The following SHOX2 variants were observed in gnomAD, a reference collection of about 807,000 sequenced individuals.
SHOX2 encodes the protein SHOX homeobox 2, also known as short stature homeobox protein 2.
Under a neutral mutation model 31.3 loss-of-function variants are expected in SHOX2, and 13 were observed. That is an observed-to-expected ratio of 0.42 (90% CI 0.27 to 0.66). The LOEUF is 0.66. SHOX2 is among the 30% of genes least tolerant of loss of function. SHOX2 has a pLI of 0.27. For synonymous variants in SHOX2, 244 were observed against 196.2 expected (o/e 1.24, Z -2.04); for missense variants, 473 against 443.0 (o/e 1.07, Z -0.61).
chr3:158,106,068 C>A lies in SHOX2; in HGVS notation c.-44G>T, dbSNP rs756364630. The A allele has an allele frequency of 1.9e-6, 3 of 1,608,986 alleles. No individual in the cohort carries two copies. Among genetic ancestry groups the A allele is most frequent in the Non-Finnish European group, 2.5e-6 (3 of 1,177,500 alleles). On this transcript the variant is annotated 5_prime_UTR_variant, in exon 1 of 5. Transcript: ENST00000483851. ...CGGCGCTCAACCTCTGCCAGCAGAG[C>A]CCCGCTCTTTTTTTCCTTCTTCTTT...
chr3:158,098,244 G>T lies in SHOX2; in HGVS notation c.743C>A (p.Ala248Glu), dbSNP rs145675724. 4 of 1,613,798 alleles carry T rather than the reference G, an allele frequency of 2.5e-6. No homozygotes were observed. In the African/African-American group the frequency reaches 5.3e-5, roughly 22 times the overall value. Residue 248 changes from alanine (A) to glutamate (E), a missense_variant, in exon 5 of 5, where the codon GCG becomes GAG. Physicochemically the swap from Ala to Glu is moderately radical, Grantham distance 107. Transcript: ENST00000483851. ...CAGGTGCGGATGCAGGTGGTGGTGCGCGTGCGCCACAGCGCTGTCCAGCTG... is the reference window on the plus strand; with the variant it reads ...CAGGTGCGGATGCAGGTGGTGGTGCTCGTGCGCCACAGCGCTGTCCAGCTG... ...QLQLDSAVAH[A>E]HHHLHPHLAA...
chr3:158,105,773 G>T lies in SHOX2; in HGVS notation c.252C>A (p.Gly84=), dbSNP rs959986950. ...GGGGVGGGGA[G]GGAGGGRSPV... ...GAGAGCGCCCTCCTCCAGCTCCTCCGCCTGCTCCTCCTCCTCCTACACCTC... is the reference window on the plus strand; with the variant it reads ...GAGAGCGCCCTCCTCCAGCTCCTCCTCCTGCTCCTCCTCCTCCTACACCTC... Residue 84 remains glycine, a synonymous_variant, in exon 1 of 5, where the codon GGC becomes GGA. Coordinates refer to ENST00000483851, the MANE Select transcript of SHOX2 (RefSeq NM_001163678.2). The T allele has an allele frequency of 1.3e-6, 2 of 1,517,644 alleles. No individual in the cohort carries two copies. Among genetic ancestry groups the T allele is most frequent in the Non-Finnish European group, 1.8e-6 (2 of 1,134,084 alleles). 94.0% of individuals were successfully genotyped at this position (1,517,644 alleles called of 1,614,324 possible). A position where few individuals can be genotyped will look rare whatever the true frequency, so the allele number is the denominator to read the frequency against.
Position 158,096,533 on chromosome 3 carries a change from T to C in SHOX2, c.*1494A>G, listed in dbSNP as rs765651617. 18 of 152,628 alleles carry C rather than the reference T, an allele frequency of 1.2e-4. No homozygotes were observed. The highest frequency in any genetic ancestry group is 3.8e-4 in the East Asian group (2 of 5,202). The allele number at this position is 152,628 out of a possible 1,614,324, so 9.5% of individuals were successfully genotyped here. On this transcript the variant is annotated 3_prime_UTR_variant, in exon 5 of 5. Transcript: ENST00000483851. ...CACACATTATAGTCAAAATAAACTT[T>C]GTTCGTGTGTATCAACATATCTTAC...
chr3:158,101,559 A>G (rs1230163262), intron 2 of SHOX2, among the ~76,000 whole-genome samples: 1 of 150,758 alleles, frequency 6.6e-6, no homozygotes, highest in Non-Finnish European at 1.5e-5. Context: ...GCAGCCTATT[A>G]TTACTTTTCC....
chr3:158,100,808 A>T (rs1168292526), intron 2 of SHOX2, among the ~76,000 whole-genome samples: 1 of 152,246 alleles, frequency 6.6e-6, no homozygotes, highest in East Asian at 1.9e-4. Flanking sequence ...AGAAGTTTAG[A>T]ATTTCTCTGT....
intron 1 of SHOX2, chr3:158,105,267 G>A (rs931519879): frequency 1.5e-5 from 10 of 645,420 alleles, no homozygotes; most frequent in African/African-American, 7.3e-5. Context: ...TCTCCCTCCC[G>A]GCAAACTCTG....
rs1553753390 is a variant in SHOX2 at position 158,096,931 on chromosome 3, T to TATATATAG, written c.*1095_*1096insCTATATAT. ...ATATATATATATATATATATATATA[T>TATATATAG]GGCAAATATATGATATATATATATG... On this transcript the variant is annotated 3_prime_UTR_variant, in exon 5 of 5. Coordinates refer to ENST00000483851, the MANE Select transcript of SHOX2 (RefSeq NM_001163678.2). 1.2e-5 allele frequency: 1 copy of TATATATAG among 80,602 alleles called. No homozygotes were observed. Among genetic ancestry groups the TATATATAG allele is most frequent in the Non-Finnish European group, 2.7e-5 (1 of 37,474 alleles). 5.0% of individuals were successfully genotyped at this position (80,602 alleles called of 1,614,324 possible). A position where few individuals can be genotyped will look rare whatever the true frequency, so the allele number is the denominator to read the frequency against.
At chr3:158,103,040 C>T (rs543481812) in intron 1 of SHOX2, 154 bp from the exon 2 acceptor site, 253 of 768,184 alleles carry the variant, frequency 3.3e-4, no homozygotes, top group Middle Eastern at 3.7e-4. Context: ...AATCCTGGTC[C>T]GGCTTCTCAA....
In SHOX2 at chr3:158,105,887, C is replaced by A. The variant is rs765722978; in HGVS notation, c.138G>T (p.Ala46=). 1 of 1,553,194 alleles carries A rather than the reference C, an allele frequency of 6.4e-7. No homozygotes were observed. Among genetic ancestry groups the A allele is most frequent in the African/African-American group, 1.4e-5 (1 of 69,798 alleles). ...CCGGGCTGCTGCGGTCGTCGCGGCC[C>A]GCCTCGGTGCAGCCGGTCGGCTCCT... The part of the protein sequence containing the change: ...GAKEPTGCTE[A]GRDDRSSPAV... Residue 46 remains alanine, a synonymous_variant, in exon 1 of 5, where the codon GCG becomes GCT. Coordinates refer to ENST00000483851, the MANE Select transcript of SHOX2 (RefSeq NM_001163678.2).
chr3:158,101,926 A>C (rs747705708), intron 2 of SHOX2, among the ~76,000 whole-genome samples: 1 of 152,188 alleles, frequency 6.6e-6, no homozygotes, highest in Non-Finnish European at 1.5e-5. Context: ...ATTTGCCTCC[A>C]CAACCAATAA....
chr3:158,105,280 C>T, intron 1 of SHOX2: 1 of 630,786 alleles, frequency 1.6e-6, no homozygotes, highest in Non-Finnish European at 2.8e-6. Flanking sequence ...AAACTCTGCG[C>T]TAGAGGCTAG....
rs1335056593 is a variant in SHOX2 at position 158,096,928 on chromosome 3, A to ATATATATATATATATG, written c.*1098_*1099insCATATATATATATATA. The ATATATATATATATATG allele has an allele frequency of 8.2e-6, 1 of 121,256 alleles. No homozygotes were observed. Among genetic ancestry groups the ATATATATATATATATG allele is most frequent in the African/African-American group, 3.1e-5 (1 of 32,028 alleles). 7.5% of individuals were successfully genotyped at this position (121,256 alleles called of 1,614,324 possible). On this transcript the variant is annotated 3_prime_UTR_variant, in exon 5 of 5. Coordinates refer to ENST00000483851, the MANE Select transcript of SHOX2 (RefSeq NM_001163678.2). ...TATATATATATATATATATATATAT[A>ATATATATATATATATG]TATGGCAAATATATGATATATATAT...
chr3:158,101,969 T>C (rs1713520595), intron 2 of SHOX2, among the ~76,000 whole-genome samples: 1 of 152,160 alleles, frequency 6.6e-6, no homozygotes, highest in Non-Finnish European at 1.5e-5. Flanking sequence ...CTTCATTGGG[T>C]ATGGCACGTG....
intron 1 of SHOX2, among the ~76,000 whole-genome samples, chr3:158,104,341 C>A (rs1025367004): frequency 6.6e-6 from 1 of 152,216 alleles, no homozygotes; most frequent in Non-Finnish European, 1.5e-5. Flanking sequence ...TTTAGGAAGA[C>A]CTGGTGCTGG....
In SHOX2 at chr3:158,098,141, A is replaced by G. The variant is rs750298311; in HGVS notation, c.846T>C (p.Ala282=). The G allele has an allele frequency of 6.2e-7, 1 of 1,613,310 alleles. No homozygotes were observed. The highest frequency in any genetic ancestry group is 1.3e-5 in the African/African-American group (1 of 74,910). The change falls in exon 5 of 5, where the codon GCT becomes GCC. Residue 282 remains alanine (A), a synonymous_variant. Transcript: ENST00000483851. ...LPLATLAADS[A]SAASVVAAAA... ...CGGCCGCCACTACCGAGGCGGCGGA[A>G]GCCGAATCCGCGGCCAGCGTGGCGA...
Position 158,098,093 on chromosome 3 carries a change from G to C in SHOX2, c.894C>G (p.Ser298Arg). ...TGAGATCGGCGATGCTGGAGTTCTTGCTGGTGGTCTTGGCGGCTGCTGCGG... is the reference window on the plus strand; with the variant it reads ...TGAGATCGGCGATGCTGGAGTTCTTCCTGGTGGTCTTGGCGGCTGCTGCGG... The part of the protein sequence containing the change: ...VAAAAAAKTT[S>R]KNSSIADLRL... Residue 298 changes from serine (S) to arginine (R), a missense_variant, in exon 5 of 5, where the codon AGC (serine) becomes AGG (arginine). Ser to Arg is a moderately radical substitution (Grantham distance 110). This residue lies in a region of SHOX2 where 182 missense variants were observed against 167.2 expected (regional missense o/e 1.09). Transcript: ENST00000483851. 6.2e-7 allele frequency: 1 copy of C among 1,612,708 alleles called. No individual in the cohort carries two copies. Among genetic ancestry groups the C allele is most frequent in the Non-Finnish European group, 8.5e-7 (1 of 1,179,250 alleles).
rs1478941548 is a variant in SHOX2 at position 158,106,219 on chromosome 3, A to AG, written c.-196dup. 11 of 861,530 alleles carry AG rather than the reference A, an allele frequency of 1.3e-5. No homozygotes were observed. The highest frequency in any genetic ancestry group is 1.7e-5 in the Non-Finnish European group (10 of 592,180). The allele number at this position is 861,530 out of a possible 1,614,324, so 53.4% of individuals were successfully genotyped here. A position where few individuals can be genotyped will look rare whatever the true frequency, so the allele number is the denominator to read the frequency against. ...AAGAAAGAGGAGGAGAAGTAGAAGG[A>AG]GAAAAAGAAGTAAGAAGAGGAGGAG... On this transcript the variant is annotated 5_prime_UTR_variant, in exon 1 of 5. Coordinates refer to ENST00000483851, the MANE Select transcript of SHOX2 (RefSeq NM_001163678.2).
chr3:158,105,014 A>AT, intron 1 of SHOX2: 1 of 603,030 alleles, frequency 1.7e-6, no homozygotes, highest in Non-Finnish European at 3.0e-6. Flanking sequence ...GTAAATATAG[A>AT]TCCCCACCTC....
intron 2 of SHOX2, among the ~76,000 whole-genome samples, chr3:158,102,334 T>G (rs1447299874): frequency 6.6e-6 from 1 of 151,940 alleles, no homozygotes; most frequent in African/African-American, 2.4e-5. Context: ...ACGTTTTCTG[T>G]GGGATTTTTT....
Sources: gnomAD v4.1 joint callset for allele counts (sites outside exome capture counted in the v4.1 genomes callset) on GRCh38, gnomAD v4.1.1 for gene constraint, gnomAD v4.1.1 regional missense constraint, MANE v1.5 for transcripts, NCBI Gene and HGNC (gene_info 2026-07-23, HGNC 2026-07-21) for gene names.